The following DCLK1 variants were observed in gnomAD, a reference collection of about 807,000 sequenced individuals.
DCLK1 encodes doublecortin like kinase 1.
In DCLK1, 16 loss-of-function variants were observed where a neutral mutation model predicts 86.2. The observed-to-expected ratio is 0.19, with a 90% CI of 0.13 to 0.28. The LOEUF is 0.28. Among genes scored for constraint, DCLK1 ranks in the 10% least tolerant of loss-of-function variants. The pLI is 1.00. For missense variants in DCLK1, 590 were observed against 940.2 expected (o/e 0.63, Z 4.87); for synonymous variants, 369 against 370.5 (o/e 1.00, Z 0.05).
chr13:36,013,139 T>C (rs1186240688), intron 3 of DCLK1, among the ~76,000 whole-genome samples: 4 of 136,672 alleles, frequency 2.9e-5, no homozygotes, highest in Non-Finnish European at 4.7e-5. Flanking sequence ...CTAAATTTTT[T>C]TCAAAGTTTT....
rs980582691 is a variant in DCLK1 at position 35,771,777 on chromosome 13, A to G, written c.*2758T>C. 6.6e-6 allele frequency: 1 copy of G among 152,214 alleles called. No individual in the cohort carries two copies. Among genetic ancestry groups the G allele is most frequent in the African/African-American group, 2.4e-5 (1 of 41,446 alleles). 9.4% of individuals were successfully genotyped at this position (152,214 alleles called of 1,614,324 possible). On this transcript the variant is annotated 3_prime_UTR_variant, in exon 17 of 17. Transcript: ENST00000360631. Reference sequence around the variant, plus strand: ...ATGGAAACACCGGTGGTGATGATTAAATTGATAATTACATAGATACACTGC... The same window carrying G: ...ATGGAAACACCGGTGGTGATGATTAGATTGATAATTACATAGATACACTGC...
At chr13:35,986,797 A>C (rs960038864) in intron 3 of DCLK1, among the ~76,000 whole-genome samples, 1 of 152,126 alleles carries the variant, frequency 6.6e-6, no homozygotes, top group African/African-American at 2.4e-5. Context: ...CAGAGGCTGC[A>C]TTTGTAAGTA....
intron 4 of DCLK1, among the ~76,000 whole-genome samples, chr13:35,941,731 A>G (rs1047967167): frequency 6.6e-6 from 1 of 152,196 alleles, no homozygotes; most frequent in Non-Finnish European, 1.5e-5. Context: ...TTTCTTCTAC[A>G]GTTACTTAGT....
intron 4 of DCLK1, among the ~76,000 whole-genome samples, chr13:35,920,478 G>A (rs940929344): frequency 6.6e-6 from 1 of 152,232 alleles, no homozygotes; most frequent in African/African-American, 2.4e-5. Context: ...GGCTAGGGCA[G>A]TTGGTAAGTG....
intron 4 of DCLK1, among the ~76,000 whole-genome samples, chr13:35,934,096 T>C (rs1186072): frequency 0.74 from 111,881 of 152,078 alleles, 41,357 homozygotes; most frequent in Admixed American, 0.81. Flanking sequence ...ATGCTGTCAG[T>C]CTCTGCTAAA....
rs1313289615 is a variant in DCLK1, at chr13:35,854,546, A to C, written c.988T>G (p.Ser330Ala). Reference protein sequence around the residue: ...SQLSTPRSGKSPSPSPTSPGS... With the variant: ...SQLSTPRSGKAPSPSPTSPGS... Reference sequence around the variant, plus strand: ...GGGCTGGTGGGTGATGGGCTTGGCGACTTGCCTGAGCGCGGAGTAGAGAGC... The same window carrying C: ...GGGCTGGTGGGTGATGGGCTTGGCGCCTTGCCTGAGCGCGGAGTAGAGAGC... Residue 330 changes from serine (S) to alanine (A), a missense_variant, in exon 6 of 17, where the codon TCG becomes GCG. This residue lies in a region of DCLK1 where 63 missense variants were observed against 64.3 expected (regional missense o/e 0.98). Transcript: ENST00000360631. 1.9e-6 allele frequency: 3 copies of C among 1,606,960 alleles called. No homozygotes were observed. The highest frequency in any genetic ancestry group is 2.6e-6 in the Non-Finnish European group (3 of 1,176,118).
At chr13:36,082,817 G>C (rs1884465532) in intron 3 of DCLK1, among the ~76,000 whole-genome samples, 1 of 152,162 alleles carries the variant, frequency 6.6e-6, no homozygotes, top group African/African-American at 2.4e-5. Context: ...ATGAGCCCCA[G>C]CTATCTACCT....
At chr13:35,835,423 C>T (rs977067055) in intron 8 of DCLK1, among the ~76,000 whole-genome samples, 1 of 152,186 alleles carries the variant, frequency 6.6e-6, no homozygotes, top group Non-Finnish European at 1.5e-5. Context: ...GGGCTTGAGG[C>T]CCCCGTAGCT....
At chr13:35,874,044 G>C (rs1872455110) in intron 4 of DCLK1, among the ~76,000 whole-genome samples, 1 of 152,098 alleles carries the variant, frequency 6.6e-6, no homozygotes, top group Non-Finnish European at 1.5e-5. Flanking sequence ...TAGTATAGTA[G>C]TTTTAAATTA....
In DCLK1 at chr13:36,045,360, A is replaced by C. The variant is rs9575172; in HGVS notation, c.723+66509T>G. ...TATATATATATATATATATATATAT[A>C]TATATATATATATATATTTCAAGGT... On this transcript the variant is annotated intron_variant, in intron 3 of 16. Transcript: ENST00000360631. 2.7e-4 allele frequency among the ~76,000 whole-genome samples: 25 copies of C among 91,480 alleles called. 1 individual carries two copies. Among genetic ancestry groups the C allele is most frequent in the East Asian group, 2.5e-3 (4 of 1,596 alleles). The allele number at this position is 91,480 out of a possible 152,430, so 60.0% of individuals were successfully genotyped here.
At chr13:36,131,553 C>T (rs1228863298), upstream of DCLK1, among the ~76,000 whole-genome samples, 2 of 152,142 alleles carry the variant, frequency 1.3e-5, no homozygotes, top group Non-Finnish European at 2.9e-5. Context: ...GCGCCCTCTT[C>T]CCACCGCAGC....
intron 3 of DCLK1, among the ~76,000 whole-genome samples, chr13:35,997,424 C>T (rs1880522481): frequency 6.6e-6 from 1 of 152,176 alleles, no homozygotes; most frequent in Non-Finnish European, 1.5e-5. Context: ...AGAACATTTT[C>T]CCTCTCTTGG....
chr13:35,868,863 C>T (rs12427644), intron 5 of DCLK1, among the ~76,000 whole-genome samples: 25,750 of 152,092 alleles, frequency 0.17, 2,283 homozygotes, highest in East Asian at 0.24. Flanking sequence ...GATTTCTGCT[C>T]ACTGCAACCT....
intron 3 of DCLK1, among the ~76,000 whole-genome samples, chr13:36,056,317 G>A (rs1339204412): frequency 1.3e-3 from 128 of 95,736 alleles, no homozygotes; most frequent in African/African-American, 5.1e-3. Flanking sequence ...TCCTTTGTAG[G>A]GACATGGATG....
intron 3 of DCLK1, among the ~76,000 whole-genome samples, chr13:36,023,023 A>G (rs1881850415): frequency 6.6e-6 from 1 of 152,220 alleles, no homozygotes; most frequent in Non-Finnish European, 1.5e-5. Context: ...AACTGAGTTG[A>G]GCAGCATATA....
chr13:35,826,790 G>C (rs987461795), intron 10 of DCLK1, among the ~76,000 whole-genome samples: 28 of 152,120 alleles, frequency 1.8e-4, no homozygotes, highest in African/African-American at 5.1e-4. Flanking sequence ...GCAGTGTAGG[G>C]ATTCCAAACA....
chr13:35,917,651 GAAAATGAAAGCTTAT>G (rs1408568720), intron 4 of DCLK1, among the ~76,000 whole-genome samples: 1 of 152,130 alleles, frequency 6.6e-6, no homozygotes, highest in African/African-American at 2.4e-5. Context: ...AAAACAAAAA[GAAAATGAAAGCTTAT>G]AAACTGGATA....
chr13:35,986,558 TACTG>T (rs754803878), intron 3 of DCLK1, among the ~76,000 whole-genome samples: 25 of 152,158 alleles, frequency 1.6e-4, no homozygotes, highest in Non-Finnish European at 3.1e-4. Flanking sequence ...CAAAAGCACA[TACTG>T]AGGGGTATAG....
chr13:35,967,303 G>A (rs1878820160), intron 3 of DCLK1, among the ~76,000 whole-genome samples: 5 of 152,206 alleles, frequency 3.3e-5, no homozygotes, highest in East Asian at 1.9e-4. Flanking sequence ...CCCTCTGCCC[G>A]GCCGCCACCC....
Sources: gnomAD v4.1 joint callset for allele counts (sites outside exome capture counted in the v4.1 genomes callset) on GRCh38, gnomAD v4.1.1 for gene constraint, gnomAD v4.1.1 regional missense constraint, MANE v1.5 for transcripts, NCBI Gene and HGNC (gene_info 2026-07-23, HGNC 2026-07-21) for gene names.